The following SOX5 variants were observed in gnomAD, a reference collection of about 807,000 sequenced individuals.
The protein encoded by SOX5 is SRY-box transcription factor 5.
SOX5 carries 9 observed loss-of-function variants against 92.0 expected under a neutral mutation model. The ratio of observed to expected loss-of-function variants is 0.10; its 90% CI spans 0.06 to 0.17. The LOEUF (loss-of-function observed/expected upper bound fraction) is 0.17. Ranked by LOEUF, SOX5 falls within the 10% of genes least tolerant of loss-of-function variation. The pLI, the probability that SOX5 is intolerant of heterozygous loss-of-function variation, is 1.00. For missense variants in SOX5, 642 were observed against 944.5 expected (o/e 0.68, Z 4.20); for synonymous variants, 344 against 336.3 (o/e 1.02, Z -0.25).
intron 2 of SOX5, among the ~76,000 whole-genome samples, chr12:23,865,823 G>A (rs1787675277): frequency 6.6e-6 from 1 of 152,186 alleles, no homozygotes; most frequent in Non-Finnish European, 1.5e-5. Flanking sequence ...TGCAAGGGAG[G>A]AGGCCAAAAT....
At chr12:23,956,632 T>G (rs1179827608) in intron 4 of SOX5, among the ~76,000 whole-genome samples, 2 of 152,198 alleles carry the variant, frequency 1.3e-5, no homozygotes, top group East Asian at 3.9e-4. Flanking sequence ...ACTGCTGCAC[T>G]AAGGGAGCCT....
At chr12:24,005,789 A>C (rs188731476) in intron 4 of SOX5, among the ~76,000 whole-genome samples, 13 of 152,196 alleles carry the variant, frequency 8.5e-5, no homozygotes, top group African/African-American at 3.1e-4. Flanking sequence ...CAGAACTTGA[A>C]ACTATATTTT....
At chr12:24,182,003 C>T (rs945291158) in intron 4 of SOX5, among the ~76,000 whole-genome samples, 2 of 152,060 alleles carry the variant, frequency 1.3e-5, no homozygotes, top group African/African-American at 2.4e-5. Flanking sequence ...ATTTGTTTTC[C>T]ATTAAGCACT....
intron 3 of SOX5, among the ~76,000 whole-genome samples, chr12:23,823,261 T>C (rs1312737799): frequency 6.6e-6 from 1 of 152,232 alleles, no homozygotes; most frequent in Non-Finnish European, 1.5e-5. Flanking sequence ...TACCCATTTT[T>C]CCTTTTCAAA....
At chr12:24,319,176 C>A (rs192553718) in intron 2 of SOX5, among the ~76,000 whole-genome samples, 78 of 152,290 alleles carry the variant, frequency 5.1e-4, no homozygotes, top group Non-Finnish European at 9.7e-4. Context: ...GTGTATCTAA[C>A]TTTTGCTTTC....
At chr12:24,391,387 T>G (rs1958975520) in intron 1 of SOX5, among the ~76,000 whole-genome samples, 1 of 152,334 alleles carries the variant, frequency 6.6e-6, no homozygotes, top group South Asian at 2.1e-4. Flanking sequence ...TGGGTAAAAG[T>G]ACATGTATAG....
At chr12:23,801,668 C>A (rs1383889855) in intron 3 of SOX5, among the ~76,000 whole-genome samples, 2 of 152,122 alleles carry the variant, frequency 1.3e-5, no homozygotes, top group Non-Finnish European at 2.9e-5. Context: ...CACTTTTTAA[C>A]ATTATTAATA....
intron 9 of SOX5, among the ~76,000 whole-genome samples, chr12:23,577,904 G>A (rs1308178666): frequency 1.3e-5 from 2 of 151,494 alleles, no homozygotes; most frequent in Non-Finnish European, 2.9e-5. Flanking sequence ...GGCAGATCAT[G>A]AGGTCAGGAG....
At chr12:23,564,568 G>C (rs1021371772) in intron 10 of SOX5, among the ~76,000 whole-genome samples, 1 of 152,092 alleles carries the variant, frequency 6.6e-6, no homozygotes, top group Non-Finnish European at 1.5e-5. Context: ...CATGTTCCAT[G>C]GATTCCAGCA....
intron 3 of SOX5, among the ~76,000 whole-genome samples, chr12:23,816,039 CATT>C (rs1188115987): frequency 1.3e-5 from 2 of 151,970 alleles, no homozygotes; most frequent in Non-Finnish European, 2.9e-5. Context: ...TGTCATGAAA[CATT>C]ATTCTTGTTT....
chr12:23,543,462 C>G, intron 12 of SOX5, 78 bp from the exon 13 acceptor site: 1 of 1,096,988 alleles, frequency 9.1e-7, no homozygotes, highest in Non-Finnish European at 1.3e-6. Context: ...ATTTTTCAGT[C>G]TATTAAGATA....
At chr12:23,886,382 C>T (rs2097065663) in intron 2 of SOX5, among the ~76,000 whole-genome samples, 1 of 152,036 alleles carries the variant, frequency 6.6e-6, no homozygotes, top group African/African-American at 2.4e-5. Context: ...TTTTAAAGTA[C>T]AATAGGTAGT....
intron 4 of SOX5, among the ~76,000 whole-genome samples, chr12:23,957,228 A>G (rs1000577777): frequency 9.9e-5 from 15 of 152,200 alleles, no homozygotes; most frequent in African/African-American, 3.6e-4. Context: ...TACTAATTAA[A>G]GTTAATGTAT....
intron 4 of SOX5, among the ~76,000 whole-genome samples, chr12:24,095,595 G>T (rs1018083965): frequency 6.6e-6 from 1 of 152,056 alleles, no homozygotes; most frequent in South Asian, 2.1e-4. Flanking sequence ...TTTTAAAATT[G>T]TATTACAAGA....
At chr12:24,206,331 C>A (rs183202441) in intron 4 of SOX5, among the ~76,000 whole-genome samples, 10 of 152,248 alleles carry the variant, frequency 6.6e-5, no homozygotes, top group Non-Finnish European at 7.4e-5. Context: ...TTAAAATTGC[C>A]TTCAGACTGC....
intron 7 of SOX5, among the ~76,000 whole-genome samples, chr12:23,648,075 G>C (rs1369753341): frequency 6.6e-6 from 1 of 151,876 alleles, no homozygotes. Context: ...ATCTTATGTG[G>C]GTGCAGTTTA....
rs2092600586 is a variant in SOX5, at chr12:23,717,885, G to A, written c.810+16799C>T. Among the ~76,000 whole-genome samples, 4 of 152,060 alleles carry A rather than the reference G, an allele frequency of 2.6e-5. No individual in the cohort carries two copies. The South Asian group carries it at 8.3e-4, about 32-fold the overall frequency. ...CTATCTGAACAGTTATTGGCACTGGGGGAAAATGTCTACCAAACTTTTCAT... is the reference window on the plus strand; with the variant it reads ...CTATCTGAACAGTTATTGGCACTGGAGGAAAATGTCTACCAAACTTTTCAT... On this transcript the variant is annotated intron_variant, in intron 6 of 14. Coordinates refer to ENST00000451604, the MANE Select transcript of SOX5 (RefSeq NM_006940.6).
At chr12:24,199,906 G>A (rs1203080807) in intron 4 of SOX5, among the ~76,000 whole-genome samples, 2 of 151,916 alleles carry the variant, frequency 1.3e-5, no homozygotes, top group African/African-American at 4.8e-5. Flanking sequence ...ACAGAAGTAA[G>A]TAAGTTCCAA....
intron 4 of SOX5, among the ~76,000 whole-genome samples, chr12:24,034,053 G>T (rs1000685455): frequency 4.6e-5 from 7 of 152,000 alleles, no homozygotes; most frequent in Admixed American, 3.3e-4. Context: ...AGGACTATCA[G>T]TCTCAGACTT....
Sources: allele counts gnomAD v4.1 joint callset (sites outside exome capture counted in the v4.1 genomes callset), GRCh38; gene constraint gnomAD v4.1.1; transcripts MANE v1.5; gene names NCBI Gene and HGNC (gene_info 2026-07-23, HGNC 2026-07-21).